CECR2: variants seen among roughly 807,000 people sequenced by gnomAD.
CECR2 encodes the protein CECR2 histone acetyl-lysine reader.
In CECR2, 30 loss-of-function variants were observed where a neutral mutation model predicts 154.5. The ratio of observed to expected loss-of-function variants is 0.19; its 90% CI spans 0.15 to 0.26. The LOEUF is 0.26. Ranked by LOEUF, CECR2 falls within the 10% of genes least tolerant of loss-of-function variation. The pLI is 1.00. For missense variants in CECR2, 1,743 were observed against 1,829.3 expected, an observed-to-expected ratio of 0.95 and a Z score of 0.86; for synonymous variants, 725 against 683.7, an observed-to-expected ratio of 1.06 and a Z score of -0.94.
chr22:17,471,559 C>T (rs960112435), intron 1 of CECR2, among the ~76,000 whole-genome samples: 1 of 152,114 alleles, frequency 6.6e-6, no homozygotes, highest in Non-Finnish European at 1.5e-5. Flanking sequence ...GTTTCTGAGA[C>T]ACTCTGGCTC....
chr22:17,489,719 A>C lies in CECR2; in HGVS notation c.222-7684A>C, dbSNP rs181976448. On this transcript the variant is annotated intron_variant, in intron 2 of 18. Transcript: ENST00000262608. ...GTTGTCCTCCAGCCTCAGCCTCCCA[A>C]AGTGCTGGAATTACAGGCGTGAGCA... 2.0e-3 allele frequency among the ~76,000 whole-genome samples: 302 copies of C among 152,284 alleles called. 1 individual carries two copies. Among genetic ancestry groups the C allele is most frequent in the African/African-American group, 7.0e-3 (290 of 41,556 alleles).
chr22:17,468,576 A>T lies in CECR2; in HGVS notation c.127-9012A>T, dbSNP rs536616539. 2.0e-4 allele frequency among the ~76,000 whole-genome samples: 31 copies of T among 152,110 alleles called. No homozygotes were observed. The South Asian group carries it at 6.4e-3, about 32-fold the overall frequency. On this transcript the variant is annotated intron_variant, in intron 1 of 18. Coordinates refer to ENST00000262608, the MANE Select transcript of CECR2 (RefSeq NM_001290047.2). The stretch of plus-strand genomic sequence containing the variant: ...TGCATGCCTGTAGTCCCAGCTACTC[A>T]GAGGTTGATGTGGATCACTTGAACC...
intron 4 of CECR2, 123 bp from the exon 5 acceptor site, chr22:17,500,508 T>A (rs2055717967): frequency 2.9e-6 from 2 of 697,298 alleles, no homozygotes; most frequent in Admixed American, 5.9e-5. Context: ...TGCTGTTCCC[T>A]TTTCCTTTCA....
At position 17,556,311 on chromosome 22, in the gene CECR2, GCA is replaced by G. The variant is rs1329532883; in HGVS notation, c.*3472_*3473del. ...AGGCTTAGTGAAAACCTTAAGACCT[GCA>G]GTTTGTGCCCCTCAGTTCAGTCAGA... On this transcript the variant is annotated 3_prime_UTR_variant, in exon 19 of 19. Coordinates refer to ENST00000262608, the MANE Select transcript of CECR2 (RefSeq NM_001290047.2). The G allele has an allele frequency of 6.6e-6, 1 of 152,148 alleles. No homozygotes were observed. Among genetic ancestry groups the G allele is most frequent in the Non-Finnish European group, 1.5e-5 (1 of 68,036 alleles). The allele number at this position is 152,148 out of a possible 1,614,324, so 9.4% of individuals were successfully genotyped here.
At chr22:17,446,064 A>G (rs191095115) in intron 1 of CECR2, among the ~76,000 whole-genome samples, 3 of 152,302 alleles carry the variant, frequency 2.0e-5, no homozygotes, top group Admixed American at 1.3e-4. Context: ...TCCTTGGATC[A>G]ATGGTGCCAG....
intron 1 of CECR2, among the ~76,000 whole-genome samples, chr22:17,382,177 A>C (rs770844855): frequency 2.1e-4 from 32 of 152,128 alleles, no homozygotes; most frequent in African/African-American, 4.3e-4. Flanking sequence ...GGCGTGAGCC[A>C]CTGTGCCCGG....
intron 9 of CECR2, among the ~76,000 whole-genome samples, chr22:17,532,338 T>C (rs778402215): frequency 2.0e-5 from 3 of 152,214 alleles, no homozygotes; most frequent in Non-Finnish European, 4.4e-5. Context: ...TTTCACTCTC[T>C]AAAGACTGTA....
intron 1 of CECR2, among the ~76,000 whole-genome samples, chr22:17,446,513 C>T (rs534737742): frequency 6.4e-4 from 98 of 152,188 alleles, no homozygotes; most frequent in African/African-American, 2.3e-3. Context: ...GTCAGGGGAT[C>T]GAGACCATCC....
intron 1 of CECR2, among the ~76,000 whole-genome samples, chr22:17,476,847 T>C (rs528297078): frequency 2.0e-5 from 3 of 152,308 alleles, no homozygotes; most frequent in African/African-American, 7.2e-5. Flanking sequence ...TTTGGGGGTG[T>C]TGGGAAGGGA....
rs527313730 is a variant in CECR2 at position 17,549,794 on chromosome 22, T to G, written c.4277+230T>G. 1.8e-4 allele frequency among the ~76,000 whole-genome samples: 26 copies of G among 147,626 alleles called. 1 individual carries two copies. The highest frequency in any genetic ancestry group is 3.5e-4 in the African/African-American group (14 of 40,324). On this transcript the variant is annotated intron_variant, in intron 17 of 18. Transcript: ENST00000262608. ...CCAGCTAACTTTTTGGTTTTTTTTT[T>G]TTTTTTTTTTTGGTGGAGGTAGGGT... is the stretch of plus-strand genomic sequence containing the variant.
At chr22:17,436,700 A>G (rs5992707) in intron 1 of CECR2, among the ~76,000 whole-genome samples, 12,236 of 152,314 alleles carry the variant, frequency 0.08, 1,041 homozygotes, top group African/African-American at 0.22. Context: ...ATCAGTCCTC[A>G]GTCAGGAAGA....
intron 13 of CECR2, 82 bp from the exon 14 acceptor site, chr22:17,540,316 CCTATAGTTCTGTTT>C: frequency 8.8e-7 from 1 of 1,132,506 alleles, no homozygotes; most frequent in Non-Finnish European, 1.2e-6. Context: ...TCTTTTGTGA[CCTATAGTTCTGTTT>C]CTATAGTTTC....
chr22:17,370,106 C>A (rs1370721666), intron 1 of CECR2, among the ~76,000 whole-genome samples, 197 bp downstream of exon 1: 30 of 150,542 alleles, frequency 2.0e-4, no homozygotes, highest in African/African-American at 7.3e-4. Context: ...CGAGGGGCGT[C>A]GGGCCGGGGA....
chr22:17,392,977 T>G (rs1601277085), intron 1 of CECR2, among the ~76,000 whole-genome samples: 1 of 152,226 alleles, frequency 6.6e-6, no homozygotes, highest in African/African-American at 2.4e-5. Context: ...AAGGTGGAGG[T>G]TGCAGTCAGT....
intron 1 of CECR2, among the ~76,000 whole-genome samples, chr22:17,363,048 C>CTTTT (rs60742428): frequency 4.1e-5 from 6 of 144,732 alleles, no homozygotes; most frequent in African/African-American, 5.1e-5. Context: ...TTTCCTTCTT[C>CTTTT]TTTTTTTTTT....
chr22:17,368,715 C>T (rs527879114), upstream of CECR2, among the ~76,000 whole-genome samples: 65 of 152,272 alleles, frequency 4.3e-4, no homozygotes, highest in African/African-American at 1.6e-3. Flanking sequence ...GCAGCTCTTT[C>T]AGCGGCCGGG....
chr22:17,552,541 G>A (rs174344), intron 18 of CECR2, among the ~76,000 whole-genome samples: 106,708 of 151,784 alleles, frequency 0.7, 38,364 homozygotes, highest in African/African-American at 0.86. Flanking sequence ...GTCTCGTGCA[G>A]TGCTTCTCTC....
At chr22:17,486,075 G>A (rs2055415102) in intron 2 of CECR2, among the ~76,000 whole-genome samples, 1 of 152,130 alleles carries the variant, frequency 6.6e-6, no homozygotes, top group Non-Finnish European at 1.5e-5. Flanking sequence ...CAACTCCTGG[G>A]CTCAAGCCAT....
chr22:17,468,799 T>C (rs1253208133), intron 1 of CECR2, among the ~76,000 whole-genome samples: 1 of 152,168 alleles, frequency 6.6e-6, no homozygotes, highest in Non-Finnish European at 1.5e-5. Context: ...TAACAAAATA[T>C]CACAGACTGA....
Sources: gnomAD v4.1 joint callset for allele counts (sites outside exome capture counted in the v4.1 genomes callset) on GRCh38, gnomAD v4.1.1 for gene constraint, MANE v1.5 for transcripts, NCBI Gene and HGNC (gene_info 2026-07-23, HGNC 2026-07-21) for gene names.